The following SEMA3A variants were observed in gnomAD, a reference collection of about 807,000 sequenced individuals.
SEMA3A encodes the protein semaphorin-3A.
Under a neutral mutation model 97.9 loss-of-function variants are expected in SEMA3A, and 29 were observed. The observed-to-expected ratio is 0.30, with a 90% CI of 0.22 to 0.40. SEMA3A has a LOEUF of 0.40. SEMA3A is among the 10% of genes least tolerant of loss of function. SEMA3A has a pLI of 1.00. For synonymous variants in SEMA3A, 321 were observed against 323.7 expected (o/e 0.99, Z 0.09); for missense variants, 763 against 951.3 (o/e 0.80, Z 2.60).
At chr7:84,433,761 A>T (rs866448537) in intron 1 of SEMA3A, among the ~76,000 whole-genome samples, 1 of 152,082 alleles carries the variant, frequency 6.6e-6, no homozygotes, top group Non-Finnish European at 1.5e-5. Flanking sequence ...CTTTTTAATG[A>T]TCACCATTCT....
At chr7:84,017,227 A>C (rs1319024624) in intron 6 of SEMA3A, among the ~76,000 whole-genome samples, 1 of 152,212 alleles carries the variant, frequency 6.6e-6, no homozygotes. Context: ...TGAGCACTGC[A>C]CTGACCTCTC....
chr7:84,398,443 C>T lies in SEMA3A; in HGVS notation c.-245-26543G>A, dbSNP rs73386969. 9.3e-3 allele frequency among the ~76,000 whole-genome samples: 1,412 copies of T among 152,072 alleles called. 25 individuals carry two copies. Among genetic ancestry groups the T allele is most frequent in the African/African-American group, 0.032 (1,331 of 41,378 alleles). On this transcript the variant is annotated intron_variant, in intron 1 of 3. Transcript: ENST00000424555. Reference sequence around the variant, plus strand: ...TCAGAGGTATTGCACACTTCAAACACATCACCCTCCTTTCGCAGTTCCTGA... The same window carrying T: ...TCAGAGGTATTGCACACTTCAAACATATCACCCTCCTTTCGCAGTTCCTGA...
chr7:84,407,997 G>A (rs547625794), intron 1 of SEMA3A, among the ~76,000 whole-genome samples: 1 of 152,268 alleles, frequency 6.6e-6, no homozygotes, highest in African/African-American at 2.4e-5. Flanking sequence ...AGGACTTCAT[G>A]TCTAAAGCAC....
chr7:84,444,135 C>G (rs1054413805), intron 1 of SEMA3A, among the ~76,000 whole-genome samples: 1 of 152,074 alleles, frequency 6.6e-6, no homozygotes, highest in Non-Finnish European at 1.5e-5. Flanking sequence ...ATCTGCCCAG[C>G]TTGGCCTCCA....
At chr7:84,404,153 T>A (rs1803993362) in intron 1 of SEMA3A, among the ~76,000 whole-genome samples, 1 of 151,892 alleles carries the variant, frequency 6.6e-6, no homozygotes, top group East Asian at 1.9e-4. Flanking sequence ...TGAAAAAAAA[T>A]TAGACGAATG....
chr7:84,164,559 A>C (rs928913321), intron 1 of SEMA3A, among the ~76,000 whole-genome samples: 1 of 152,160 alleles, frequency 6.6e-6, no homozygotes, highest in African/African-American at 2.4e-5. Context: ...GCTTTGACTT[A>C]TGGAATGTTT....
At position 84,339,325 on chromosome 7, in the gene SEMA3A, CCTGT is replaced by C. The variant is rs1802109065; in HGVS notation, c.-168-32037_-168-32034del. 2.0e-5 allele frequency among the ~76,000 whole-genome samples: 3 copies of C among 152,244 alleles called. No homozygotes were observed. The South Asian group carries it at 6.2e-4, about 32-fold the overall frequency. On this transcript the variant is annotated intron_variant, in intron 2 of 3. Coordinates refer to the SEMA3A transcript ENST00000424555. ...TAGAGACTGCTTGTGCAATTTCCCT[CCTGT>C]CTAATGGCCTTAATATGACCACATA...
At chr7:84,112,530 A>G (rs1192630401) in intron 3 of SEMA3A, among the ~76,000 whole-genome samples, 4 of 152,188 alleles carry the variant, frequency 2.6e-5, no homozygotes, top group South Asian at 4.1e-4. Flanking sequence ...ATAAAAAAGG[A>G]AAAACATATT....
chr7:84,445,978 G>A (rs1805404104), intron 1 of SEMA3A, among the ~76,000 whole-genome samples: 1 of 152,160 alleles, frequency 6.6e-6, no homozygotes, highest in South Asian at 2.1e-4. Context: ...AGGAAAAAAT[G>A]AGAGAAGACT....
At chr7:84,289,006 T>C (rs1303176320) in intron 3 of SEMA3A, among the ~76,000 whole-genome samples, 1 of 152,128 alleles carries the variant, frequency 6.6e-6, no homozygotes, top group Non-Finnish European at 1.5e-5. Flanking sequence ...ATGTGGTATA[T>C]ATACATCCAG....
chr7:84,064,667 CAAAG>C (rs1793403594), intron 4 of SEMA3A, among the ~76,000 whole-genome samples: 1 of 150,928 alleles, frequency 6.6e-6, no homozygotes, highest in African/African-American at 2.5e-5. Flanking sequence ...TCAAAAGAGA[CAAAG>C]AAGGCCATTA....
chr7:84,318,786 T>C (rs569629541), intron 2 of SEMA3A, among the ~76,000 whole-genome samples: 10 of 152,204 alleles, frequency 6.6e-5, no homozygotes, highest in Non-Finnish European at 1.2e-4. Context: ...ACCCAGATTA[T>C]ACATTTAGGT....
intron 1 of SEMA3A, among the ~76,000 whole-genome samples, chr7:84,422,986 C>T (rs1289069707): frequency 1.3e-5 from 2 of 151,958 alleles, no homozygotes; most frequent in Non-Finnish European, 2.9e-5. Context: ...TTTGAATCAT[C>T]CACACATTCA....
intron 1 of SEMA3A, among the ~76,000 whole-genome samples, chr7:84,183,210 A>C (rs1477803843): frequency 6.6e-6 from 1 of 152,182 alleles, no homozygotes; most frequent in Non-Finnish European, 1.5e-5. Context: ...GAAGCTGAAA[A>C]ATAAAATACC....
intron 4 of SEMA3A, among the ~76,000 whole-genome samples, chr7:84,097,892 G>T (rs2115883238): frequency 6.6e-6 from 1 of 152,066 alleles, no homozygotes; most frequent in Non-Finnish European, 1.5e-5. Context: ...TTCACAAAAA[G>T]ATATATTTCT....
intron 12 of SEMA3A, among the ~76,000 whole-genome samples, chr7:83,998,701 A>G (rs1790317010): frequency 6.6e-6 from 1 of 151,992 alleles, no homozygotes; most frequent in Non-Finnish European, 1.5e-5. Context: ...AGCTTAAAAC[A>G]CATATTGTAC....
chr7:84,193,303 A>C (rs988344644), intron 1 of SEMA3A, among the ~76,000 whole-genome samples: 1 of 152,138 alleles, frequency 6.6e-6, no homozygotes, highest in East Asian at 1.9e-4. Context: ...ATTCAGAAAA[A>C]GATGTTCCCC....
At chr7:84,051,358 C>T (rs1333468355) in intron 5 of SEMA3A, among the ~76,000 whole-genome samples, 1 of 152,106 alleles carries the variant, frequency 6.6e-6, no homozygotes, top group Non-Finnish European at 1.5e-5. Context: ...AATGTTCTTC[C>T]TTTTGTTTGT....
chr7:84,476,742 T>C (rs1170576104), intron 1 of SEMA3A, among the ~76,000 whole-genome samples: 1 of 152,152 alleles, frequency 6.6e-6, no homozygotes, highest in African/African-American at 2.4e-5. Flanking sequence ...CACAAATTAT[T>C]GATTCCAGAT....
Sources: gnomAD v4.1 joint callset for allele counts (sites outside exome capture counted in the v4.1 genomes callset) on GRCh38, gnomAD v4.1.1 for gene constraint, MANE v1.5 for transcripts, NCBI Gene and HGNC (gene_info 2026-07-23, HGNC 2026-07-21) for gene names.